The following KALRN variants were observed in gnomAD, a reference collection of about 807,000 sequenced individuals.
KALRN encodes the protein kalirin RhoGEF kinase.
KALRN carries 70 observed loss-of-function variants against 353.7 expected under a neutral mutation model. The observed-to-expected ratio is 0.20, with a 90% CI of 0.16 to 0.24. KALRN has a LOEUF of 0.24. KALRN is among the 10% of genes least tolerant of loss of function. The probability of loss-of-function intolerance (pLI) is 1.00; values close to 1 mark genes in which losing one functional copy is unlikely to be tolerated. For synonymous variants in KALRN, 1,391 were observed against 1,434.8 expected, an observed-to-expected ratio of 0.97 and a Z score of 0.69; for missense variants, 2,791 against 3,756.7, an observed-to-expected ratio of 0.74 and a Z score of 6.72.
intron 1 of KALRN, among the ~76,000 whole-genome samples, chr3:124,212,511 T>A (rs2076986842): frequency 6.6e-6 from 1 of 152,168 alleles, no homozygotes; most frequent in African/African-American, 2.4e-5. Context: ...ATCTTAACTA[T>A]CCCCTTTCTG....
At chr3:124,462,326 G>T (rs140291341) in intron 24 of KALRN, among the ~76,000 whole-genome samples, 198 bp from the exon 25 acceptor site, 6 of 152,296 alleles carry the variant, frequency 3.9e-5, no homozygotes, top group African/African-American at 1.4e-4. Context: ...TGGAGTTTGT[G>T]TTCTTGCTAA....
At chr3:124,602,954 G>GTT (rs10678143) in intron 34 of KALRN, among the ~76,000 whole-genome samples, 22 of 38,198 alleles carry the variant, frequency 5.8e-4, no homozygotes, top group East Asian at 5.4e-3. Context: ...TTTTTTTGTT[G>GTT]TTGTTTTGTT....
At chr3:124,099,328 C>T (rs1208606724) in intron 1 of KALRN, 1 of 152,150 alleles carries the variant, frequency 6.6e-6, no homozygotes, top group African/African-American at 2.4e-5. Flanking sequence ...CTTTCTGTAC[C>T]TGGCTTATTT....
chr3:124,320,591 A>G (rs2079225346), intron 6 of KALRN, among the ~76,000 whole-genome samples: 2 of 152,232 alleles, frequency 1.3e-5, no homozygotes, highest in Non-Finnish European at 2.9e-5. Context: ...TATGAGGACA[A>G]GATGGCCCCA....
intron 1 of KALRN, among the ~76,000 whole-genome samples, chr3:124,042,442 T>TGTTG: frequency 6.6e-6 from 1 of 152,216 alleles, no homozygotes; most frequent in Non-Finnish European, 1.5e-5. Context: ...GGGGAGGGAC[T>TGTTG]GTTGGTTGGG....
intron 1 of KALRN, among the ~76,000 whole-genome samples, chr3:124,058,553 T>C (rs1457960970): frequency 6.6e-6 from 1 of 152,204 alleles, no homozygotes; most frequent in Non-Finnish European, 1.5e-5. Context: ...TTTTTCTTCT[T>C]TCTCAAGCTT....
intron 15 of KALRN, among the ~76,000 whole-genome samples, chr3:124,430,448 G>A (rs991043207): frequency 1.3e-5 from 2 of 152,192 alleles, no homozygotes; most frequent in African/African-American, 4.8e-5. Context: ...TGGGAATAAA[G>A]CAGGTACATA....
At chr3:124,677,750 C>T (rs980535035) in intron 49 of KALRN, 7 of 392,170 alleles carry the variant, frequency 1.8e-5, no homozygotes, top group Middle Eastern at 7.3e-4. Flanking sequence ...GTCTTTCTGT[C>T]TGGTCCTGGG....
At chr3:124,058,058 A>G (rs989843865) in intron 1 of KALRN, among the ~76,000 whole-genome samples, 25 of 151,690 alleles carry the variant, frequency 1.6e-4, no homozygotes, top group African/African-American at 5.8e-4. Flanking sequence ...GTGCATAAAA[A>G]CTCCCATTTT....
At chr3:124,567,591 T>C (rs1341825500) in intron 34 of KALRN, among the ~76,000 whole-genome samples, 1 of 152,106 alleles carries the variant, frequency 6.6e-6, no homozygotes, top group African/African-American at 2.4e-5. Context: ...AGTCCTGCCT[T>C]TCCACAGGCC....
At chr3:124,071,821 C>T (rs879477674) in intron 1 of KALRN, among the ~76,000 whole-genome samples, 14 of 152,174 alleles carry the variant, frequency 9.2e-5, no homozygotes, top group African/African-American at 2.4e-4. Flanking sequence ...CTCTCTTCAT[C>T]GACATTGCCT....
chr3:124,685,422 C>T (rs2061515070), intron 51 of KALRN, among the ~76,000 whole-genome samples: 1 of 152,178 alleles, frequency 6.6e-6, no homozygotes, highest in African/African-American at 2.4e-5. Flanking sequence ...GTTTCTCACC[C>T]TCCTGGGGGA....
chr3:124,445,517 C>A (rs1236713570), intron 19 of KALRN, among the ~76,000 whole-genome samples: 2 of 152,168 alleles, frequency 1.3e-5, no homozygotes, highest in Non-Finnish European at 2.9e-5. Context: ...TCATTTAACA[C>A]CACTTTTAGC....
intron 33 of KALRN, among the ~76,000 whole-genome samples, chr3:124,552,826 T>G (rs1273920275): frequency 6.6e-6 from 1 of 152,160 alleles, no homozygotes; most frequent in Non-Finnish European, 1.5e-5. Context: ...AGTGCAGTGG[T>G]GCAATCTCTG....
In KALRN at chr3:124,667,258, T is replaced by C. The variant is rs538271253; in HGVS notation, c.6703+75T>C. 2.4e-5 allele frequency: 32 copies of C among 1,347,500 alleles called. No homozygotes were observed. In the African/African-American group the frequency reaches 4.7e-4, roughly 20 times the overall value. 83.5% of individuals were successfully genotyped at this position (1,347,500 alleles called of 1,614,324 possible). A position where few individuals can be genotyped will look rare whatever the true frequency, so the allele number is the denominator to read the frequency against. On this transcript the variant is annotated intron_variant, in intron 47 of 59. Transcript: ENST00000682506. ...ACCTCTGAGCTTCCTTGGGTCTAGG[T>C]TCATGTTGAGTTATGAACCCAGATC...
At chr3:124,181,147 A>C (rs563715360) in intron 1 of KALRN, among the ~76,000 whole-genome samples, 272 of 150,982 alleles carry the variant, frequency 1.8e-3, no homozygotes, top group Admixed American at 0.017. Flanking sequence ...GCTACTCGGG[A>C]GGCTGTTATA....
intron 10 of KALRN, among the ~76,000 whole-genome samples, chr3:124,348,894 T>C (rs1013928834): frequency 6.6e-6 from 1 of 152,134 alleles, no homozygotes; most frequent in South Asian, 2.1e-4. Context: ...ATTTTTTGTA[T>C]TTTTAGTAGA....
rs1382392294 is a variant in KALRN at position 124,368,233 on chromosome 3, C to T, written c.1771-16612C>T. Among the ~76,000 whole-genome samples the T allele has an allele frequency of 2.9e-5, 4 of 137,572 alleles. No individual in the cohort carries two copies. In the East Asian group the frequency reaches 7.0e-4, roughly 24 times the overall value. 90.3% of individuals were successfully genotyped at this position (137,572 alleles called of 152,430 possible). A position where few individuals can be genotyped will look rare whatever the true frequency, so the allele number is the denominator to read the frequency against. On this transcript the variant is annotated intron_variant, in intron 10 of 59. Coordinates refer to ENST00000682506, the MANE Select transcript of KALRN (RefSeq NM_001388419.1). The stretch of plus-strand genomic sequence containing the variant: ...CTCCCGGACAGCACGGCTGGCCAGG[C>T]GGGGGGCTGACCCCCCCACCTCCCT...
intron 6 of KALRN, among the ~76,000 whole-genome samples, chr3:124,304,590 A>T (rs2077535335): frequency 6.6e-6 from 1 of 152,214 alleles, no homozygotes; most frequent in Non-Finnish European, 1.5e-5. Context: ...CTAGTGAAAA[A>T]TTTTAAAACA....
Sources: allele counts gnomAD v4.1 joint callset (sites outside exome capture counted in the v4.1 genomes callset), GRCh38; gene constraint gnomAD v4.1.1; transcripts MANE v1.5; gene names NCBI Gene and HGNC (gene_info 2026-07-23, HGNC 2026-07-21).